Variants in LRRC8E observed in about 807,000 individuals in gnomAD.
The protein encoded by LRRC8E is leucine rich repeat containing 8 VRAC subunit E.
LRRC8E carries 6 observed loss-of-function variants against 6.1 expected under a neutral mutation model. That is an observed-to-expected ratio of 0.98 (90% confidence interval 0.54 to 1.93). LRRC8E has a LOEUF of 1.93. LRRC8E is among the 30% of genes most tolerant of loss of function. LRRC8E has a pLI of 0.01. For synonymous variants in LRRC8E, 485 were observed against 472.8 expected (o/e 1.03, Z -0.33); for missense variants, 1,028 against 1,031.4 (o/e 1.00, Z 0.04).
At chr19:7,891,664 TGGCG>T (rs2145095497) in intron 1 of LRRC8E, among the ~76,000 whole-genome samples, 1 of 152,216 alleles carries the variant, frequency 6.6e-6, no homozygotes, top group Admixed American at 6.5e-5. Context: ...TGGAGTGCAG[TGGCG>T]AGATCTTGGC....
At position 7,900,130 on chromosome 19, in the gene LRRC8E, G is replaced by A. The variant is rs183754604; in HGVS notation, c.1608G>A (p.Gln536=). ...TGGAGAGCCTCCGGGAGCTGAAGCA[G>A]CTCAAGGTGTTGTCCCTCCGGAGCA... is the stretch of plus-strand genomic sequence containing the variant. ...ATLESLRELK[Q]LKVLSLRSNA... is the part of the protein sequence containing the mutation. Residue 536 remains glutamine, a synonymous_variant, in exon 3 of 3, where the codon CAG becomes CAA. Coordinates refer to ENST00000306708, the MANE Select transcript of LRRC8E (RefSeq NM_025061.6). The surrounding 1 kb of genome is among the most constrained non-coding windows in gnomAD (Gnocchi z 5.0). 2.1e-4 allele frequency: 341 copies of A among 1,612,864 alleles called. No individual in the cohort carries two copies. In the East Asian group the frequency reaches 7.3e-3, roughly 35 times the overall value.
chr19:7,894,787 C>G (rs765889858), intron 1 of LRRC8E, among the ~76,000 whole-genome samples: 5 of 152,216 alleles, frequency 3.3e-5, no homozygotes, highest in Admixed American at 3.3e-4. Flanking sequence ...CAGAGTGGGC[C>G]GGCCAGGAGC....
chr19:7,891,339 G>A (rs1330108435), intron 1 of LRRC8E, among the ~76,000 whole-genome samples: 1 of 152,140 alleles, frequency 6.6e-6, no homozygotes, highest in Non-Finnish European at 1.5e-5. Context: ...TTTTATGTCT[G>A]TGGAAATTTA....
chr19:7,896,288 CAG>C (rs1284786392), intron 2 of LRRC8E, among the ~76,000 whole-genome samples: 1 of 146,050 alleles, frequency 6.8e-6, no homozygotes, highest in Non-Finnish European at 1.5e-5. Context: ...TAAAAAGAGA[CAG>C]GGGCCGGGCA....
intron 1 of LRRC8E, among the ~76,000 whole-genome samples, chr19:7,891,611 T>G (rs1057163184): frequency 4.6e-5 from 7 of 151,742 alleles, no homozygotes; most frequent in Admixed American, 2.6e-4. Context: ...GTTTTTGTTT[T>G]GTTTTGTTTT....
chr19:7,896,040 C>T (rs573265462), intron 2 of LRRC8E, among the ~76,000 whole-genome samples: 3 of 152,128 alleles, frequency 2.0e-5, no homozygotes, highest in Middle Eastern at 3.4e-3. Context: ...CGGGTACAAG[C>T]GGTTCTCCTG....
chr19:7,895,612 A>C lies in LRRC8E; in HGVS notation c.9A>C (p.Pro3=). The part of the protein sequence containing the change: MI[P]VAEFKQFTEQ... ...CCCGTCCCACAGGCAGCATGATCCC[A>C]GTGGCCGAGTTCAAGCAGTTCACGG... Residue 3 remains proline (P), a synonymous_variant, in exon 2 of 3, where the codon CCA becomes CCC. Coordinates refer to ENST00000306708, the MANE Select transcript of LRRC8E (RefSeq NM_025061.6). This position sits in a 1 kb window ranked among gnomAD's most constrained non-coding sequence, Gnocchi z 4.7. The C allele has an allele frequency of 1.2e-6, 2 of 1,613,020 alleles. No individual in the cohort carries two copies. Among genetic ancestry groups the C allele is most frequent in the Non-Finnish European group, 1.7e-6 (2 of 1,179,092 alleles).
chr19:7,901,984 C>T lies in LRRC8E; in HGVS notation c.*1071C>T, dbSNP rs189020345. The T allele has an allele frequency of 6.6e-6, 1 of 152,296 alleles. No individual in the cohort carries two copies. The highest frequency in any genetic ancestry group is 1.9e-4 in the East Asian group (1 of 5,188). The allele number at this position is 152,296 out of a possible 1,614,324, so 9.4% of individuals were successfully genotyped here. The stretch of plus-strand genomic sequence containing the variant: ...CAGGGACTTTGGTCTTGACTGTTCT[C>T]TGGGTGCTTAATAAATAATACTAAT... On this transcript the variant is annotated 3_prime_UTR_variant, in exon 3 of 3. Transcript: ENST00000306708.
At position 7,901,023 on chromosome 19, in the gene LRRC8E, G is replaced by GC. The variant is rs1422608737; in HGVS notation, c.*110_*111insC. ...AAGTGGGTCCAGGCCAGGAGATGGG[G>GC]GGGGCGGGGGCAGCTGTGTCATCTT... On this transcript the variant is annotated 3_prime_UTR_variant, in exon 3 of 3. Transcript: ENST00000306708. 2.0e-5 allele frequency: 14 copies of GC among 693,136 alleles called. 2 individuals carry two copies. Among genetic ancestry groups the GC allele is most frequent in the Non-Finnish European group, 3.1e-5 (14 of 457,244 alleles). The allele number at this position is 693,136 out of a possible 1,614,324, so 42.9% of individuals were successfully genotyped here. A position where few individuals can be genotyped will look rare whatever the true frequency, so the allele number is the denominator to read the frequency against.
chr19:7,891,183 T>C (rs1218367363), intron 1 of LRRC8E, among the ~76,000 whole-genome samples: 1 of 152,164 alleles, frequency 6.6e-6, no homozygotes, highest in Non-Finnish European at 1.5e-5. Flanking sequence ...CTGCCTGGGT[T>C]GGGATAAAAT....
Position 7,899,221 on chromosome 19 carries a change from CCT to C in LRRC8E, c.700_701del (p.Leu234ValfsTer2), listed in dbSNP as rs754436211. 6 of 1,614,024 alleles carry C rather than the reference CCT, an allele frequency of 3.7e-6. No individual in the cohort carries two copies. Among genetic ancestry groups the C allele is most frequent in the Non-Finnish European group, 5.1e-6 (6 of 1,180,044 alleles). ...DKKEGEQAKALFEKVKKFRMH... is the reference protein window; with the variant it reads ...DKKEGEQAKAXFEKVKKFRMH... ...AGAAGGAGGGTGAGCAAGCCAAAGC[CCT>C]GTTTGAGAAGGTGAAGAAGTTCCGC... On this transcript the variant is annotated frameshift_variant, in exon 3 of 3. Transcript: ENST00000306708. LOFTEE classifies it low-confidence loss of function (END_TRUNC).
Position 7,900,092 on chromosome 19 carries a change from C to G in LRRC8E, c.1570C>G (p.Arg524Gly), listed in dbSNP as rs764939039. 4 of 1,612,170 alleles carry G rather than the reference C, an allele frequency of 2.5e-6. No individual in the cohort carries two copies. Among genetic ancestry groups the G allele is most frequent in the African/African-American group, 1.3e-5 (1 of 74,924 alleles). The change falls in exon 3 of 3, where the codon CGG (arginine) becomes GGG (glycine). Residue 524 changes from arginine (R) to glycine (G), a missense_variant. By Grantham distance (125) the Arg-to-Gly change is moderately radical. Transcript: ENST00000306708. This position sits in a 1 kb window ranked among gnomAD's most constrained non-coding sequence, Gnocchi z 5.0. The stretch of plus-strand genomic sequence containing the variant: ...GGGGCTTTTCCCCCAGGAGCTAGCT[C>G]GGGCAGCCACCCTGGAGAGCCTCCG... ...LEGLFPQELA[R>G]AATLESLREL...
At position 7,899,924 on chromosome 19, in the gene LRRC8E, C is replaced by T. The variant is rs1447344340; in HGVS notation, c.1402C>T (p.Leu468Phe). 6.2e-7 allele frequency: 1 copy of T among 1,608,512 alleles called. No homozygotes were observed. Among genetic ancestry groups the T allele is most frequent in the Non-Finnish European group, 8.5e-7 (1 of 1,179,986 alleles). ...GGTGCACTTGCAGGAGCTCAGCTTG[C>T]TCCACTCGCCCGCCAGGCTACCCTT... is the stretch of plus-strand genomic sequence containing the variant. Reference protein sequence around the residue: ...QLVHLQELSLLHSPARLPFSL... With the variant: ...QLVHLQELSLFHSPARLPFSL... Residue 468 changes from leucine (L) to phenylalanine (F), a missense_variant, in exon 3 of 3, where the codon CTC becomes TTC. By Grantham distance (22) the Leu-to-Phe change is conservative (BLOSUM62 0). Coordinates refer to ENST00000306708, the MANE Select transcript of LRRC8E (RefSeq NM_025061.6).
chr19:7,900,006 A>T lies in LRRC8E; in HGVS notation c.1484A>T (p.Glu495Val). 3 of 1,609,720 alleles carry T rather than the reference A, an allele frequency of 1.9e-6. No individual in the cohort carries two copies. The South Asian group carries it at 3.3e-5, about 18-fold the overall frequency. Reference sequence around the variant, plus strand: ...AAGGTGATGCGCGTCAAATGCGAGGAGCTCCGCGAGGTGCCGCTTTGGGTG... The same window carrying T: ...AAGGTGATGCGCGTCAAATGCGAGGTGCTCCGCGAGGTGCCGCTTTGGGTG... ...HLKVMRVKCE[E>V]LREVPLWVFG... is the part of the protein sequence containing the mutation. Residue 495 changes from glutamate (E) to valine (V), a missense_variant, in exon 3 of 3, where the codon GAG becomes GTG. Coordinates refer to ENST00000306708, the MANE Select transcript of LRRC8E (RefSeq NM_025061.6). This position sits in a 1 kb window ranked among gnomAD's most constrained non-coding sequence, Gnocchi z 5.0.
chr19:7,898,203 TCAAAAAAAAAAAC>T (rs1981702632), intron 2 of LRRC8E, among the ~76,000 whole-genome samples: 1 of 110,178 alleles, frequency 9.1e-6, no homozygotes, highest in African/African-American at 3.8e-5. Context: ...GACTCTTGTC[TCAAAAAAAAAAAC>T]CAAAAAAAAA....
rs771716730 is a variant in LRRC8E, at chr19:7,900,389, A to G, written c.1867A>G (p.Ile623Val). 6.2e-7 allele frequency: 1 copy of G among 1,612,880 alleles called. No individual in the cohort carries two copies. The highest frequency in any genetic ancestry group is 8.5e-7 in the Non-Finnish European group (1 of 1,179,834). ...CAACCACCTGCGCTCCATCGAGGAAATCCTCAGCTTCCAGCACTGCCGGAA... is the reference window on the plus strand; with the variant it reads ...CAACCACCTGCGCTCCATCGAGGAAGTCCTCAGCTTCCAGCACTGCCGGAA... ...KDNHLRSIEE[I>V]LSFQHCRKLV... The change falls in exon 3 of 3, where the codon ATC becomes GTC. Residue 623 changes from isoleucine (I) to valine (V), a missense_variant. Ile to Val is a conservative substitution (Grantham distance 29, BLOSUM62 3). Coordinates refer to ENST00000306708, the MANE Select transcript of LRRC8E (RefSeq NM_025061.6). This position sits in a 1 kb window ranked among gnomAD's most constrained non-coding sequence, Gnocchi z 5.0.
Position 7,895,565 on chromosome 19 carries a change from C to G in LRRC8E, c.-5-34C>G. 6.3e-7 allele frequency: 1 copy of G among 1,597,342 alleles called. No individual in the cohort carries two copies. The highest frequency in any genetic ancestry group is 8.6e-7 in the Non-Finnish European group (1 of 1,166,160). On this transcript the variant is annotated intron_variant, in intron 1 of 2. Coordinates refer to ENST00000306708, the MANE Select transcript of LRRC8E (RefSeq NM_025061.6). The surrounding 1 kb of genome is among the most constrained non-coding windows in gnomAD (Gnocchi z 4.7). The stretch of plus-strand genomic sequence containing the variant: ...GCAGAGCCTCCCATCCTGAGGGTCT[C>G]TCTCTACACCCCCCGTCTCGTCCCG...
chr19:7,890,383 G>A (rs1490025322), intron 1 of LRRC8E, among the ~76,000 whole-genome samples: 3 of 152,068 alleles, frequency 2.0e-5, no homozygotes, highest in Non-Finnish European at 4.4e-5. Context: ...AAGATGCTGT[G>A]GTTTTTTTGT....
At position 7,901,942 on chromosome 19, in the gene LRRC8E, A is replaced by G. The variant is rs1053439745; in HGVS notation, c.*1029A>G. ...TTAGGACACCTGCTATAGAGGTGAC[A>G]TTTTTCCAAGGACAAGCAGGGACTT... On this transcript the variant is annotated 3_prime_UTR_variant, in exon 3 of 3. Transcript: ENST00000306708. 1 of 152,112 alleles carries G rather than the reference A, an allele frequency of 6.6e-6. No homozygotes were observed. Among genetic ancestry groups the G allele is most frequent in the Admixed American group, 6.5e-5 (1 of 15,268 alleles). 9.4% of individuals were successfully genotyped at this position (152,112 alleles called of 1,614,324 possible). A position where few individuals can be genotyped will look rare whatever the true frequency, so the allele number is the denominator to read the frequency against.
Sources: gnomAD v4.1 joint callset for allele counts (sites outside exome capture counted in the v4.1 genomes callset) on GRCh38, gnomAD v4.1.1 for gene constraint, Gnocchi (gnomAD v3.1) non-coding constraint, MANE v1.5 for transcripts, NCBI Gene and HGNC (gene_info 2026-07-23, HGNC 2026-07-21) for gene names.